CNTNAP2: variants seen among roughly 807,000 people sequenced by gnomAD.
CNTNAP2 encodes contactin associated protein 2.
In CNTNAP2, 98 loss-of-function variants were observed where a neutral mutation model predicts 155.2. The observed-to-expected ratio is 0.63, with a 90% CI of 0.54 to 0.75. The LOEUF is 0.75. Among genes scored for constraint, CNTNAP2 ranks in the 30% least tolerant of loss-of-function variants. The pLI, the probability that CNTNAP2 is intolerant of heterozygous loss-of-function variation, is 0.00. For synonymous variants in CNTNAP2, 651 were observed against 631.2 expected (o/e 1.03, Z -0.47); for missense variants, 1,727 against 1,688.1 (o/e 1.02, Z -0.40).
At chr7:146,574,070 C>G (rs572219146) in intron 1 of CNTNAP2, among the ~76,000 whole-genome samples, 1 of 152,062 alleles carries the variant, frequency 6.6e-6, no homozygotes, top group Non-Finnish European at 1.5e-5. Context: ...GGAAGAGATA[C>G]CTGTCCTATG....
At chr7:146,216,217 A>G (rs1799110182) in intron 1 of CNTNAP2, among the ~76,000 whole-genome samples, 1 of 152,198 alleles carries the variant, frequency 6.6e-6, no homozygotes, top group Non-Finnish European at 1.5e-5. Context: ...AAAGAAGCCA[A>G]GAAGCCAGGG....
intron 1 of CNTNAP2, among the ~76,000 whole-genome samples, chr7:146,289,274 T>C (rs573317744): frequency 6.6e-6 from 1 of 152,338 alleles, no homozygotes; most frequent in East Asian, 1.9e-4. Context: ...GCATATTTTA[T>C]GTTTATAAAG....
At chr7:148,176,109 A>G (rs1585168675) in intron 18 of CNTNAP2, among the ~76,000 whole-genome samples, 1 of 151,376 alleles carries the variant, frequency 6.6e-6, no homozygotes, top group South Asian at 2.1e-4. Flanking sequence ...TGCTTTGTAG[A>G]TGATGCACTG....
intron 1 of CNTNAP2, among the ~76,000 whole-genome samples, chr7:146,680,102 A>G (rs1199344892): frequency 6.6e-6 from 1 of 152,180 alleles, no homozygotes; most frequent in Non-Finnish European, 1.5e-5. Context: ...AAATTATTAA[A>G]TAAGCATACC....
At chr7:147,098,074 G>A (rs954775788) in intron 4 of CNTNAP2, among the ~76,000 whole-genome samples, 8 of 152,224 alleles carry the variant, frequency 5.3e-5, no homozygotes, top group Non-Finnish European at 1.0e-4. Flanking sequence ...CTGGCTTTGC[G>A]TAACTGTTGC....
rs146354119 is a variant in CNTNAP2, at chr7:146,360,063, G to A, written c.97+243090G>A. 4.9e-3 allele frequency among the ~76,000 whole-genome samples: 752 copies of A among 152,300 alleles called. 6 individuals are homozygous for A. Among genetic ancestry groups the A allele is most frequent in the African/African-American group, 0.017 (724 of 41,568 alleles). On this transcript the variant is annotated intron_variant, in intron 1 of 23. Transcript: ENST00000361727. ...CTCAGTACCAGAATTCTGTTAGCCT[G>A]TGTAAGCTTTAGGTCCACTGTTTCT...
intron 1 of CNTNAP2, among the ~76,000 whole-genome samples, chr7:146,743,909 A>G (rs1801763929): frequency 1.3e-5 from 2 of 152,016 alleles, no homozygotes; most frequent in South Asian, 2.1e-4. Flanking sequence ...TTAGCTGAGT[A>G]GTTTTCTCAT....
chr7:147,016,937 A>G (rs943331097), intron 3 of CNTNAP2, among the ~76,000 whole-genome samples: 4 of 152,004 alleles, frequency 2.6e-5, no homozygotes, highest in Non-Finnish European at 5.9e-5. Flanking sequence ...CTCTGAGCAC[A>G]TAAACTACTG....
chr7:147,510,606 A>C (rs1023043742), intron 11 of CNTNAP2, among the ~76,000 whole-genome samples: 4 of 151,786 alleles, frequency 2.6e-5, no homozygotes, highest in Non-Finnish European at 5.9e-5. Flanking sequence ...TAAAAGTACA[A>C]CCAATGCCAT....
At chr7:147,986,402 T>C (rs1801618392) in intron 15 of CNTNAP2, among the ~76,000 whole-genome samples, 1 of 152,234 alleles carries the variant, frequency 6.6e-6, no homozygotes, top group South Asian at 2.1e-4. Flanking sequence ...TAAATTGTTT[T>C]TCTTTCCCCA....
intron 2 of CNTNAP2, among the ~76,000 whole-genome samples, chr7:146,783,069 T>A (rs1274024403): frequency 6.6e-6 from 1 of 152,182 alleles, no homozygotes; most frequent in Admixed American, 6.5e-5. Context: ...GTGACTTAAA[T>A]ATTCTGCAGG....
intron 13 of CNTNAP2, among the ~76,000 whole-genome samples, chr7:147,812,476 G>GAA (rs367830393): frequency 1.4e-5 from 2 of 141,608 alleles, no homozygotes; most frequent in African/African-American, 5.2e-5. Context: ...ATATAAGTAG[G>GAA]AAAAAAAAAA....
chr7:147,569,096 A>G (rs1257931955), intron 12 of CNTNAP2, among the ~76,000 whole-genome samples: 1 of 152,018 alleles, frequency 6.6e-6, no homozygotes, highest in Non-Finnish European at 1.5e-5. Flanking sequence ...TGTTTACATA[A>G]TTTGTGCTTT....
At chr7:147,783,076 CT>C (rs1347350308) in intron 13 of CNTNAP2, among the ~76,000 whole-genome samples, 1 of 152,098 alleles carries the variant, frequency 6.6e-6, no homozygotes, top group East Asian at 1.9e-4. Flanking sequence ...TGAAGCAAGC[CT>C]TTTTCAAATG....
At chr7:146,891,446 A>G (rs1179218040) in intron 3 of CNTNAP2, among the ~76,000 whole-genome samples, 2 of 152,174 alleles carry the variant, frequency 1.3e-5, no homozygotes, top group African/African-American at 4.8e-5. Flanking sequence ...AATTTGCACG[A>G]TGTTTTACCC....
At chr7:148,269,448 A>G (rs1327181060) in intron 21 of CNTNAP2, among the ~76,000 whole-genome samples, 1 of 152,210 alleles carries the variant, frequency 6.6e-6, no homozygotes, top group Non-Finnish European at 1.5e-5. Flanking sequence ...GAACAAGAAG[A>G]GACTTTGTGA....
At chr7:146,559,710 A>C (rs1356615953) in intron 1 of CNTNAP2, among the ~76,000 whole-genome samples, 1 of 152,214 alleles carries the variant, frequency 6.6e-6, no homozygotes, top group African/African-American at 2.4e-5. Context: ...TTTGATATTT[A>C]TTTCAATCAT....
At chr7:146,809,732 G>A (rs558461653) in intron 2 of CNTNAP2, among the ~76,000 whole-genome samples, 46 of 152,214 alleles carry the variant, frequency 3.0e-4, no homozygotes, top group African/African-American at 7.9e-4. Context: ...TTGTAATTGA[G>A]TTCCTTATAT....
At chr7:147,214,083 C>T (rs1362322289) in intron 8 of CNTNAP2, among the ~76,000 whole-genome samples, 2 of 152,112 alleles carry the variant, frequency 1.3e-5, no homozygotes, top group Non-Finnish European at 2.9e-5. Flanking sequence ...TAATCCCTTA[C>T]CGGTTCTCTT....
Sources: allele counts gnomAD v4.1 joint callset (sites outside exome capture counted in the v4.1 genomes callset), GRCh38; gene constraint gnomAD v4.1.1; transcripts MANE v1.5; gene names NCBI Gene and HGNC (gene_info 2026-07-23, HGNC 2026-07-21).